Variants in OPA1 observed in about 807,000 individuals in gnomAD.
OPA1 encodes OPA1 mitochondrial dynamin like GTPase.
A neutral mutation model predicts 152.9 loss-of-function variants in OPA1; 59 were observed. That is an observed-to-expected ratio of 0.39 (90% CI 0.31 to 0.48). OPA1 has a LOEUF of 0.48. Ranked by LOEUF, OPA1 falls within the 20% of genes least tolerant of loss-of-function variation. OPA1 has a pLI of 0.96. For missense variants in OPA1, 1,008 were observed against 1,216.8 expected, an observed-to-expected ratio of 0.83 and a Z score of 2.55; for synonymous variants, 400 against 389.9, an observed-to-expected ratio of 1.03 and a Z score of -0.31.
intron 29 of OPA1, among the ~76,000 whole-genome samples, chr3:193,687,407 A>G (rs1335353701): frequency 3.3e-5 from 5 of 152,250 alleles, no homozygotes; most frequent in African/African-American, 9.6e-5. Flanking sequence ...TAGCAGAAAT[A>G]GCAGTTTGTT....
chr3:193,654,629 A>G (rs1713355036), intron 21 of OPA1, among the ~76,000 whole-genome samples: 1 of 152,162 alleles, frequency 6.6e-6, no homozygotes, highest in African/African-American at 2.4e-5. Flanking sequence ...AAATTTCTAG[A>G]AAATACAAAG....
At chr3:193,598,096 C>T (rs994777564) in intron 1 of OPA1, among the ~76,000 whole-genome samples, 11 of 152,008 alleles carry the variant, frequency 7.2e-5, no homozygotes, top group African/African-American at 2.4e-4. Context: ...TAAATAAATA[C>T]CCTGTCTCAA....
chr3:193,678,140 C>A (rs1239538371), intron 29 of OPA1, among the ~76,000 whole-genome samples: 1 of 152,132 alleles, frequency 6.6e-6, no homozygotes, highest in Non-Finnish European at 1.5e-5. Context: ...ATATTCTGAG[C>A]AGTAGAAGTT....
At chr3:193,642,638 C>T in intron 11 of OPA1, 127 bp from the exon 12 acceptor site, 1 of 729,744 alleles carries the variant, frequency 1.4e-6, no homozygotes, top group East Asian at 2.5e-5. Flanking sequence ...GGGGGTGCCC[C>T]AGCAGTAGTG....
At chr3:193,623,068 G>A (rs557797491) in intron 6 of OPA1, among the ~76,000 whole-genome samples, 1 of 152,120 alleles carries the variant, frequency 6.6e-6, no homozygotes, top group Non-Finnish European at 1.5e-5. Flanking sequence ...AAATAATGTA[G>A]TAACTGGAAA....
chr3:193,641,931 A>G (rs773410805), intron 11 of OPA1, among the ~76,000 whole-genome samples: 6 of 152,188 alleles, frequency 3.9e-5, no homozygotes, highest in Non-Finnish European at 8.8e-5. Flanking sequence ...CCTGGCCAAC[A>G]TGGCGAAACC....
intron 16 of OPA1, 37 bp downstream of exon 16, chr3:193,644,142 T>C: frequency 1.9e-6 from 3 of 1,610,858 alleles, no homozygotes; most frequent in South Asian, 2.2e-5. Context: ...ATAGATTCTT[T>C]GTAAAAGCTC....
chr3:193,593,285 C>G lies in OPA1; in HGVS notation c.-93C>G. The G allele has an allele frequency of 7.3e-7, 1 of 1,373,490 alleles. No homozygotes were observed. Among genetic ancestry groups the G allele is most frequent in the South Asian group, 1.4e-5 (1 of 70,064 alleles). The allele number at this position is 1,373,490 out of a possible 1,614,324, so 85.1% of individuals were successfully genotyped here. On this transcript the variant is annotated 5_prime_UTR_variant, in exon 1 of 31. Transcript: ENST00000361510. Reference sequence around the variant, plus strand: ...TGCCCTTGCTGCTGAGGGCCACTTCCTGGGTCATTCCTGGACCGGGAGCCG... The same window carrying G: ...TGCCCTTGCTGCTGAGGGCCACTTCGTGGGTCATTCCTGGACCGGGAGCCG...
In OPA1 at chr3:193,697,057, A is replaced by C. The variant is rs1386096830; in HGVS notation, c.*2457A>C. The C allele has an allele frequency of 6.6e-6, 1 of 152,216 alleles. No individual in the cohort carries two copies. The highest frequency in any genetic ancestry group is 1.5e-5 in the Non-Finnish European group (1 of 68,046). 9.4% of individuals were successfully genotyped at this position (152,216 alleles called of 1,614,324 possible). ...CTCCAAATGCAAATGAATGATATAAAAATAAGTAGGGAACATGGCAGAGAG... is the reference window on the plus strand; with the variant it reads ...CTCCAAATGCAAATGAATGATATAACAATAAGTAGGGAACATGGCAGAGAG... On this transcript the variant is annotated 3_prime_UTR_variant, in exon 31 of 31. Transcript: ENST00000361510.
At chr3:193,675,769 T>C (rs1718865058) in intron 29 of OPA1, among the ~76,000 whole-genome samples, 1 of 152,228 alleles carries the variant, frequency 6.6e-6, no homozygotes, top group Admixed American at 6.5e-5. Context: ...CCAAAGTGAT[T>C]TGGTTCATTC....
intron 18 of OPA1, among the ~76,000 whole-genome samples, 154 bp from the exon 19 acceptor site, chr3:193,646,911 G>A (rs902781002): frequency 1.3e-5 from 2 of 152,150 alleles, no homozygotes; most frequent in African/African-American, 4.8e-5. Flanking sequence ...TACCGTATTG[G>A]AATGTTTTCC....
At chr3:193,668,408 G>A in intron 29 of OPA1, 1 of 1,550,970 alleles carries the variant, frequency 6.4e-7, no homozygotes, top group Non-Finnish European at 8.7e-7. Context: ...ACCTTGTCTG[G>A]GCTCTGACAT....
At chr3:193,610,117 T>C (rs1727966363) in intron 1 of OPA1, among the ~76,000 whole-genome samples, 1 of 152,172 alleles carries the variant, frequency 6.6e-6, no homozygotes, top group African/African-American at 2.4e-5. Flanking sequence ...GTGCTCTGAT[T>C]TTTAGAATTT....
chr3:193,661,227 C>G (rs1372521068), intron 25 of OPA1, among the ~76,000 whole-genome samples: 1 of 152,204 alleles, frequency 6.6e-6, no homozygotes, highest in Non-Finnish European at 1.5e-5. Context: ...TACAGAAGAG[C>G]CTTCTCCCCA....
At position 193,662,420 on chromosome 3, in the gene OPA1, T is replaced by A. The variant is rs558449545; in HGVS notation, c.2521-402T>A. On this transcript the variant is annotated intron_variant, in intron 25 of 30. Coordinates refer to ENST00000361510, the MANE Select transcript of OPA1 (RefSeq NM_130837.3). ...CGTTCTTAAGTATAGTTCTTAGATA[T>A]GAAGCATTTTAGAACATCAGCTCTT... Among the ~76,000 whole-genome samples, 10 of 152,318 alleles carry A rather than the reference T, an allele frequency of 6.6e-5. No homozygotes were observed. In the South Asian group the frequency reaches 2.1e-3, roughly 32 times the overall value.
intron 1 of OPA1, among the ~76,000 whole-genome samples, chr3:193,607,318 GT>G (rs1188020824): frequency 6.6e-6 from 1 of 152,178 alleles, no homozygotes; most frequent in Non-Finnish European, 1.5e-5. Flanking sequence ...TGCTTTTGGT[GT>G]TTTAGACATG....
chr3:193,593,414 G>T lies in OPA1; in HGVS notation c.32+5G>T. On this transcript the variant is annotated splice_donor_5th_base_variant and intron_variant, in intron 1 of 30. Transcript: ENST00000361510. ...ACGTCGGGCCGCTGTGGCCTGGTAA[G>T]TGCAGGCTCTAATCTGGCCCCGTTA... is the stretch of plus-strand genomic sequence containing the variant. 1.3e-6 allele frequency: 2 copies of T among 1,544,708 alleles called. No homozygotes were observed. The highest frequency in any genetic ancestry group is 1.7e-6 in the Non-Finnish European group (2 of 1,143,040).
chr3:193,671,495 G>T (rs186333840), intron 29 of OPA1, among the ~76,000 whole-genome samples: 51 of 152,282 alleles, frequency 3.3e-4, no homozygotes, highest in African/African-American at 1.2e-3. Context: ...TCCTAGATTG[G>T]ATCTTTTTGC....
intron 1 of OPA1, among the ~76,000 whole-genome samples, chr3:193,610,130 A>G (rs1186115067): frequency 1.3e-5 from 2 of 152,082 alleles, no homozygotes; most frequent in Non-Finnish European, 2.9e-5. Context: ...TAGAATTTTC[A>G]GTATTTTTGC....
Sources: allele counts gnomAD v4.1 joint callset (sites outside exome capture counted in the v4.1 genomes callset), GRCh38; gene constraint gnomAD v4.1.1; transcripts MANE v1.5; gene names NCBI Gene and HGNC (gene_info 2026-07-23, HGNC 2026-07-21).